Variants in TENT5A observed in about 807,000 individuals in gnomAD.
The protein encoded by TENT5A is terminal nucleotidyltransferase 5A.
Under a neutral mutation model 30.2 loss-of-function variants are expected in TENT5A, and 9 were observed. The observed-to-expected ratio is 0.30, with a 90% CI of 0.18 to 0.52. The LOEUF is 0.52. TENT5A is among the 20% of genes least tolerant of loss of function. The probability of loss-of-function intolerance (pLI) is 0.97; values close to 1 mark genes in which losing one functional copy is unlikely to be tolerated. For missense variants in TENT5A, 411 were observed against 566.1 expected, an observed-to-expected ratio of 0.73 and a Z score of 2.78; for synonymous variants, 264 against 234.2, an observed-to-expected ratio of 1.13 and a Z score of -1.16.
chr6:81,749,603 A>AGG lies in TENT5A; in HGVS notation c.*90_*91dup. The stretch of plus-strand genomic sequence containing the variant: ...CATTGCACAAAACACATCCCTAATA[A>AGG]GGGCTGGATCACTCTTTTTTTTTTC... On this transcript the variant is annotated 3_prime_UTR_variant, in exon 3 of 3. Transcript: ENST00000320172. 6.7e-7 allele frequency: 1 copy of AGG among 1,495,052 alleles called. No homozygotes were observed. The allele number at this position is 1,495,052 out of a possible 1,614,324, so 92.6% of individuals were successfully genotyped here.
Position 81,752,522 on chromosome 6 carries a change from G to T in TENT5A, c.-129C>A, listed in dbSNP as rs1208472457. On this transcript the variant is annotated 5_prime_UTR_variant, in exon 1 of 3. It adds an upstream start codon to the 5' untranslated region. Transcript: ENST00000320172. ...CAGGAGCTGCGAGCGCGCTCAGACA[G>T]CAAATAGCGACTTCGTCTTTCCCAG... The T allele has an allele frequency of 7.5e-7, 1 of 1,339,506 alleles. No individual in the cohort carries two copies. The highest frequency in any genetic ancestry group is 2.5e-5 in the East Asian group (1 of 39,936). The allele number at this position is 1,339,506 out of a possible 1,614,324, so 83.0% of individuals were successfully genotyped here. A position where few individuals can be genotyped will look rare whatever the true frequency, so the allele number is the denominator to read the frequency against.
In TENT5A at chr6:81,748,905, T is replaced by G; in HGVS notation, c.*790A>C. On this transcript the variant is annotated 3_prime_UTR_variant, in exon 3 of 3. Transcript: ENST00000320172. ...GATGTATATTGGTGTGTAACAAATA[T>G]AATCTCTCTTCATATAGTCTACTAT... The G allele has an allele frequency of 2.0e-6, 2 of 985,388 alleles. No homozygotes were observed. Among genetic ancestry groups the G allele is most frequent in the Non-Finnish European group, 2.4e-6 (2 of 829,478 alleles). The allele number at this position is 985,388 out of a possible 1,614,324, so 61.0% of individuals were successfully genotyped here.
chr6:81,749,595 C>A lies in TENT5A; in HGVS notation c.*100G>T. 6.7e-7 allele frequency: 1 copy of A among 1,483,252 alleles called. No homozygotes were observed. The highest frequency in any genetic ancestry group is 8.9e-7 in the Non-Finnish European group (1 of 1,122,058). The allele number at this position is 1,483,252 out of a possible 1,614,324, so 91.9% of individuals were successfully genotyped here. A position where few individuals can be genotyped will look rare whatever the true frequency, so the allele number is the denominator to read the frequency against. On this transcript the variant is annotated 3_prime_UTR_variant, in exon 3 of 3. Coordinates refer to ENST00000320172, the MANE Select transcript of TENT5A (RefSeq NM_017633.3). ...CATATCATCATTGCACAAAACACAT[C>A]CCTAATAAGGGCTGGATCACTCTTT... is the stretch of plus-strand genomic sequence containing the variant.
chr6:81,746,533 T>C lies in TENT5A; in HGVS notation c.*3162A>G, dbSNP rs546562888. The C allele has an allele frequency of 9.7e-6, 12 of 1,232,136 alleles. 1 individual carries two copies. The South Asian group carries it at 2.1e-4, about 21-fold the overall frequency. The allele number at this position is 1,232,136 out of a possible 1,614,324, so 76.3% of individuals were successfully genotyped here. A position where few individuals can be genotyped will look rare whatever the true frequency, so the allele number is the denominator to read the frequency against. The stretch of plus-strand genomic sequence containing the variant: ...CTTGATCCCATTTCTGGAAAGGAAA[T>C]GTCCATCTTGGTGTAGGAGTTCTTG... On this transcript the variant is annotated 3_prime_UTR_variant, in exon 3 of 3. Coordinates refer to ENST00000320172, the MANE Select transcript of TENT5A (RefSeq NM_017633.3).
Position 81,747,482 on chromosome 6 carries a change from T to A in TENT5A, c.*2213A>T. ...CAAGGAAGCTGCTACAGCAAACCCATCAGGTTCCCATTAAGGCTTCAAAGA... is the reference window on the plus strand; with the variant it reads ...CAAGGAAGCTGCTACAGCAAACCCAACAGGTTCCCATTAAGGCTTCAAAGA... On this transcript the variant is annotated 3_prime_UTR_variant, in exon 3 of 3. Coordinates refer to ENST00000320172, the MANE Select transcript of TENT5A (RefSeq NM_017633.3). The A allele has an allele frequency of 2.0e-6, 2 of 985,832 alleles. No individual in the cohort carries two copies. Among genetic ancestry groups the A allele is most frequent in the Non-Finnish European group, 2.4e-6 (2 of 829,936 alleles). The allele number at this position is 985,832 out of a possible 1,614,324, so 61.1% of individuals were successfully genotyped here. A position where few individuals can be genotyped will look rare whatever the true frequency, so the allele number is the denominator to read the frequency against.
Position 81,750,888 on chromosome 6 carries a change from T to C in TENT5A, c.553-417A>G, listed in dbSNP as rs1293642654. Among the ~76,000 whole-genome samples the C allele has an allele frequency of 6.6e-6, 1 of 152,188 alleles. No individual in the cohort carries two copies. Among genetic ancestry groups the C allele is most frequent in the African/African-American group, 2.4e-5 (1 of 41,426 alleles). On this transcript the variant is annotated intron_variant, in intron 2 of 2. Coordinates refer to ENST00000320172, the MANE Select transcript of TENT5A (RefSeq NM_017633.3). The surrounding 1 kb of genome is among the most constrained non-coding windows in gnomAD (Gnocchi z 4.2). ...CCCTTGTTCCAAGCCACCCAATTCC[T>C]CTCCGCCTGCGGCAATCAATGTTAT...
At position 81,750,308 on chromosome 6, in the gene TENT5A, G is replaced by A; in HGVS notation, c.716C>T (p.Ser239Phe). 1 of 1,612,416 alleles carries A rather than the reference G, an allele frequency of 6.2e-7. No individual in the cohort carries two copies. The highest frequency in any genetic ancestry group is 8.5e-7 in the Non-Finnish European group (1 of 1,179,476). Residue 239 changes from serine (S) to phenylalanine (F), a missense_variant, in exon 3 of 3, where the codon TCT becomes TTT. Ser to Phe is a radical substitution (Grantham distance 155). Transcript: ENST00000320172. This position sits in a 1 kb window ranked among gnomAD's most constrained non-coding sequence, Gnocchi z 4.2. The part of the protein sequence containing the change: ...SVDSFQIKLD[S>F]LLLFYECSEN... ...TGAACATTCATAAAAGAGCAGAAGA[G>A]AGTCTAATTTGATTTGAAAAGAATC...
intron 1 of TENT5A, 118 bp from the exon 2 acceptor site, chr6:81,752,296 C>T: frequency 6.5e-7 from 1 of 1,529,040 alleles, no homozygotes; most frequent in Non-Finnish European, 8.8e-7. Flanking sequence ...GTTCCCTGAC[C>T]CCGGGCCTCC....
At position 81,746,116 on chromosome 6, in the gene TENT5A, T is replaced by C. The variant is rs941728370; in HGVS notation, c.*3579A>G. The C allele has an allele frequency of 1.0e-6, 1 of 980,812 alleles. No individual in the cohort carries two copies. The highest frequency in any genetic ancestry group is 1.2e-6 in the Non-Finnish European group (1 of 824,622). 60.8% of individuals were successfully genotyped at this position (980,812 alleles called of 1,614,324 possible). On this transcript the variant is annotated 3_prime_UTR_variant, in exon 3 of 3. Transcript: ENST00000320172. ...TTAACAAAATATAACATAGAGATTCTTTCTTAGCACTGAAAATGCTATGCT... is the reference window on the plus strand; with the variant it reads ...TTAACAAAATATAACATAGAGATTCCTTCTTAGCACTGAAAATGCTATGCT...
Position 81,750,492 on chromosome 6 carries a change from C to T in TENT5A, c.553-21G>A. The T allele has an allele frequency of 7.4e-7, 1 of 1,350,286 alleles. No individual in the cohort carries two copies. Among genetic ancestry groups the T allele is most frequent in the Non-Finnish European group, 1.0e-6 (1 of 991,108 alleles). 83.6% of individuals were successfully genotyped at this position (1,350,286 alleles called of 1,614,324 possible). A position where few individuals can be genotyped will look rare whatever the true frequency, so the allele number is the denominator to read the frequency against. On this transcript the variant is annotated intron_variant, in intron 2 of 2. Transcript: ENST00000320172. This position sits in a 1 kb window ranked among gnomAD's most constrained non-coding sequence, Gnocchi z 4.2. The stretch of plus-strand genomic sequence containing the variant: ...GCTTCCTACAATTTAAAAGATAAAA[C>T]AAAATGAGCAAACCTAGAAAATAAT...
rs1270837203 is a variant in TENT5A at position 81,746,225 on chromosome 6, C to T, written c.*3470G>A. On this transcript the variant is annotated 3_prime_UTR_variant, in exon 3 of 3. Transcript: ENST00000320172. ...TTTGGCTTTTTGGTTTCACCTAACA[C>T]ACTTCATCTTCAACAACAACAAAAA... is the stretch of plus-strand genomic sequence containing the variant. 1.8e-6 allele frequency: 2 copies of T among 1,121,774 alleles called. No homozygotes were observed. Among genetic ancestry groups the T allele is most frequent in the African/African-American group, 1.6e-5 (1 of 62,012 alleles). The allele number at this position is 1,121,774 out of a possible 1,614,324, so 69.5% of individuals were successfully genotyped here. A position where few individuals can be genotyped will look rare whatever the true frequency, so the allele number is the denominator to read the frequency against.
rs1351688927 is a variant in TENT5A at position 81,748,930 on chromosome 6, T to C, written c.*765A>G. The stretch of plus-strand genomic sequence containing the variant: ...TAATCTCTCTTCATATAGTCTACTA[T>C]ATCTCTTCTAATTGGGTATTTTTAT... On this transcript the variant is annotated 3_prime_UTR_variant, in exon 3 of 3. Transcript: ENST00000320172. The C allele has an allele frequency of 7.1e-6, 7 of 984,456 alleles. No individual in the cohort carries two copies. Among genetic ancestry groups the C allele is most frequent in the Non-Finnish European group, 8.4e-6 (7 of 828,776 alleles). 61.0% of individuals were successfully genotyped at this position (984,456 alleles called of 1,614,324 possible). A position where few individuals can be genotyped will look rare whatever the true frequency, so the allele number is the denominator to read the frequency against.
chr6:81,749,465 A>C lies in TENT5A; in HGVS notation c.*230T>G. The C allele has an allele frequency of 7.9e-7, 1 of 1,271,376 alleles. No individual in the cohort carries two copies. Among genetic ancestry groups the C allele is most frequent in the Non-Finnish European group, 9.9e-7 (1 of 1,010,006 alleles). The allele number at this position is 1,271,376 out of a possible 1,614,324, so 78.8% of individuals were successfully genotyped here. ...GGTCTCTCTTTTTTTGCAGGATAGA[A>C]TCCAATTGGGTAGGAGAATAAGAGA... is the stretch of plus-strand genomic sequence containing the variant. On this transcript the variant is annotated 3_prime_UTR_variant, in exon 3 of 3. Transcript: ENST00000320172.
Position 81,748,883 on chromosome 6 carries a change from G to A in TENT5A, c.*812C>T. 1 of 984,746 alleles carries A rather than the reference G, an allele frequency of 1.0e-6. No individual in the cohort carries two copies. Among genetic ancestry groups the A allele is most frequent in the Non-Finnish European group, 1.2e-6 (1 of 828,940 alleles). 61.0% of individuals were successfully genotyped at this position (984,746 alleles called of 1,614,324 possible). A position where few individuals can be genotyped will look rare whatever the true frequency, so the allele number is the denominator to read the frequency against. On this transcript the variant is annotated 3_prime_UTR_variant, in exon 3 of 3. Coordinates refer to ENST00000320172, the MANE Select transcript of TENT5A (RefSeq NM_017633.3). ...TTCAGAAGGCAACAGGCACTTTGAT[G>A]TATATTGGTGTGTAACAAATATAAT...
chr6:81,747,695 C>T lies in TENT5A; in HGVS notation c.*2000G>A. On this transcript the variant is annotated 3_prime_UTR_variant, in exon 3 of 3. Coordinates refer to ENST00000320172, the MANE Select transcript of TENT5A (RefSeq NM_017633.3). ...GTCTTCGAGGAATTATCATAGCAAGCAGTCATCCACTAAGGTTGTGGAGAT... is the reference window on the plus strand; with the variant it reads ...GTCTTCGAGGAATTATCATAGCAAGTAGTCATCCACTAAGGTTGTGGAGAT... 1.0e-6 allele frequency: 1 copy of T among 985,674 alleles called. No individual in the cohort carries two copies. Among genetic ancestry groups the T allele is most frequent in the Non-Finnish European group, 1.2e-6 (1 of 829,766 alleles). The allele number at this position is 985,674 out of a possible 1,614,324, so 61.1% of individuals were successfully genotyped here. A position where few individuals can be genotyped will look rare whatever the true frequency, so the allele number is the denominator to read the frequency against.
rs61752492 is a variant in TENT5A at position 81,750,244 on chromosome 6, G to A, written c.780C>T (p.Ile260=). The A allele has an allele frequency of 7.5e-5, 121 of 1,614,026 alleles. 1 individual carries two copies. In the African/African-American group the frequency reaches 1.3e-3, roughly 17 times the overall value. ...GGAAATCGCCATAGACGCTCTCCCCGATTATTGTGGGGTGAAATGTCTCAG... is the reference window on the plus strand; with the variant it reads ...GGAAATCGCCATAGACGCTCTCCCCAATTATTGTGGGGTGAAATGTCTCAG... ...PMTETFHPTI[I]GESVYGDFQE... Residue 260 remains isoleucine (I), a synonymous_variant, in exon 3 of 3, where the codon ATC becomes ATT. Coordinates refer to ENST00000320172, the MANE Select transcript of TENT5A (RefSeq NM_017633.3). This position sits in a 1 kb window ranked among gnomAD's most constrained non-coding sequence, Gnocchi z 4.2.
rs570558422 is a variant in TENT5A at position 81,747,580 on chromosome 6, T to G, written c.*2115A>C. On this transcript the variant is annotated 3_prime_UTR_variant, in exon 3 of 3. Coordinates refer to ENST00000320172, the MANE Select transcript of TENT5A (RefSeq NM_017633.3). Reference sequence around the variant, plus strand: ...CACTAAGCATCTGAGGATCCCTAGATAAACAAACAAACAAATTATACTGCC... The same window carrying G: ...CACTAAGCATCTGAGGATCCCTAGAGAAACAAACAAACAAATTATACTGCC... 1.0e-6 allele frequency: 1 copy of G among 985,490 alleles called. No homozygotes were observed. Among genetic ancestry groups the G allele is most frequent in the Non-Finnish European group, 1.2e-6 (1 of 829,838 alleles). The allele number at this position is 985,490 out of a possible 1,614,324, so 61.0% of individuals were successfully genotyped here. A position where few individuals can be genotyped will look rare whatever the true frequency, so the allele number is the denominator to read the frequency against.
chr6:81,751,579 G>GGT lies in TENT5A; in HGVS notation c.552+9_552+10dup. ...TGGGTCAGGACCCAAGTGCATCTCG[G>GGT]GTGGTGTTACCTTGAGCGTGAGTGG... On this transcript the variant is annotated intron_variant, in intron 2 of 2. Transcript: ENST00000320172. 1 of 1,592,008 alleles carries GGT rather than the reference G, an allele frequency of 6.3e-7. No individual in the cohort carries two copies.
Position 81,746,968 on chromosome 6 carries a change from G to A in TENT5A, c.*2727C>T. Reference sequence around the variant, plus strand: ...AGTACAGCCTGTTCTATATGAATAGGTGCCAGGTGCTGGCACTTCCAACTA... The same window carrying A: ...AGTACAGCCTGTTCTATATGAATAGATGCCAGGTGCTGGCACTTCCAACTA... On this transcript the variant is annotated 3_prime_UTR_variant, in exon 3 of 3. Coordinates refer to ENST00000320172, the MANE Select transcript of TENT5A (RefSeq NM_017633.3). 2.0e-6 allele frequency: 2 copies of A among 991,844 alleles called. No homozygotes were observed. The highest frequency in any genetic ancestry group is 2.4e-6 in the Non-Finnish European group (2 of 834,060). The allele number at this position is 991,844 out of a possible 1,614,324, so 61.4% of individuals were successfully genotyped here. A position where few individuals can be genotyped will look rare whatever the true frequency, so the allele number is the denominator to read the frequency against.
Sources: allele counts gnomAD v4.1 joint callset (sites outside exome capture counted in the v4.1 genomes callset), GRCh38; gene constraint gnomAD v4.1.1; non-coding constraint Gnocchi (gnomAD v3.1); transcripts MANE v1.5; gene names NCBI Gene and HGNC (gene_info 2026-07-23, HGNC 2026-07-21).